The following PTPRA variants were observed in gnomAD, a reference collection of about 807,000 sequenced individuals.
The protein encoded by PTPRA is protein tyrosine phosphatase receptor type A.
PTPRA carries 25 observed loss-of-function variants against 104.8 expected under a neutral mutation model. The observed-to-expected ratio is 0.24, with a 90% CI of 0.17 to 0.33. The LOEUF (loss-of-function observed/expected upper bound fraction) is 0.33. Ranked by LOEUF, PTPRA falls within the 10% of genes least tolerant of loss-of-function variation. The pLI is 1.00. For synonymous variants in PTPRA, 323 were observed against 368.9 expected, an observed-to-expected ratio of 0.88 and a Z score of 1.43; for missense variants, 765 against 1,015.3, an observed-to-expected ratio of 0.75 and a Z score of 3.35.
intron 1 of PTPRA, among the ~76,000 whole-genome samples, chr20:2,911,689 G>T (rs1431562222): frequency 2.0e-5 from 3 of 152,176 alleles, no homozygotes; most frequent in Admixed American, 2.0e-4. Flanking sequence ...GCAGCTCTGA[G>T]AGGGAATAAA....
rs184237197 is a variant in PTPRA at position 2,967,345 on chromosome 20, C to T, written c.415+2143C>T. Among the ~76,000 whole-genome samples, 478 of 152,226 alleles carry T rather than the reference C, an allele frequency of 3.1e-3. 12 individuals carry two copies. Among genetic ancestry groups the T allele is most frequent in the South Asian group, 0.029 (140 of 4,822 alleles). On this transcript the variant is annotated intron_variant, in intron 5 of 23. Coordinates refer to ENST00000399903, the MANE Select transcript of PTPRA (RefSeq NM_001385305.1). Reference sequence around the variant, plus strand: ...TGAGTAAAACACAAGAAACCATTATCGCACATGGGAATTTCATAGTCTTAA... The same window carrying T: ...TGAGTAAAACACAAGAAACCATTATTGCACATGGGAATTTCATAGTCTTAA...
chr20:3,019,804 G>C (rs1417292843), intron 13 of PTPRA, among the ~76,000 whole-genome samples: 1 of 152,178 alleles, frequency 6.6e-6, no homozygotes, highest in African/African-American at 2.4e-5. Flanking sequence ...GAGTGAACGA[G>C]ACTCCGTCTG....
In PTPRA at chr20:3,037,929, A is replaced by C. The variant is rs1462630028; in HGVS notation, c.2335-130A>C. 1.3e-6 allele frequency: 1 copy of C among 751,826 alleles called. No homozygotes were observed. The highest frequency in any genetic ancestry group is 2.4e-5 in the Admixed American group (1 of 41,200). The allele number at this position is 751,826 out of a possible 1,614,324, so 46.6% of individuals were successfully genotyped here. Reference sequence around the variant, plus strand: ...AACTCTGGCAGGCAGATCAGAGCTCAGGTGAAAGTTCAAAAACATTCAGTT... The same window carrying C: ...AACTCTGGCAGGCAGATCAGAGCTCCGGTGAAAGTTCAAAAACATTCAGTT... On this transcript the variant is annotated intron_variant, in intron 23 of 23. Coordinates refer to ENST00000399903, the MANE Select transcript of PTPRA (RefSeq NM_001385305.1). This position sits in a 1 kb window ranked among gnomAD's most constrained non-coding sequence, Gnocchi z 4.3.
At chr20:2,993,307 A>G (rs1447729335) in intron 9 of PTPRA, among the ~76,000 whole-genome samples, 1 of 152,068 alleles carries the variant, frequency 6.6e-6, no homozygotes, top group Non-Finnish European at 1.5e-5. Context: ...CAGGCCTTTG[A>G]CTTTCAGAAA....
intron 2 of PTPRA, among the ~76,000 whole-genome samples, chr20:2,943,538 A>G (rs2061008805): frequency 6.6e-6 from 1 of 152,124 alleles, no homozygotes; most frequent in African/African-American, 2.4e-5. Context: ...ATCTCATCCA[A>G]AAAAACCCCT....
chr20:3,027,455 G>A (rs1319853796), intron 19 of PTPRA, among the ~76,000 whole-genome samples: 1 of 152,186 alleles, frequency 6.6e-6, no homozygotes, highest in Non-Finnish European at 1.5e-5. Context: ...ACAGCCAAGA[G>A]GAACCTGGCT....
intron 10 of PTPRA, among the ~76,000 whole-genome samples, chr20:3,006,451 T>C (rs567694712): frequency 6.6e-6 from 1 of 152,290 alleles, no homozygotes; most frequent in East Asian, 1.9e-4. Flanking sequence ...AGAATTGGGA[T>C]TACGTGCATG....
chr20:2,956,727 TCCC>T (rs1356725289), intron 3 of PTPRA, among the ~76,000 whole-genome samples: 7 of 152,280 alleles, frequency 4.6e-5, no homozygotes, highest in African/African-American at 1.7e-4. Flanking sequence ...CATGTCTCTC[TCCC>T]CCATTGATAG....
chr20:2,986,032 C>T (rs1456102718), intron 6 of PTPRA, among the ~76,000 whole-genome samples: 1 of 152,172 alleles, frequency 6.6e-6, no homozygotes, highest in Non-Finnish European at 1.5e-5. Context: ...CCTCAGCCTC[C>T]TGAGTAGCTG....
intron 5 of PTPRA, among the ~76,000 whole-genome samples, chr20:2,967,221 C>T (rs2061977977): frequency 6.6e-6 from 1 of 152,152 alleles, no homozygotes; most frequent in African/African-American, 2.4e-5. Flanking sequence ...GACTTAGGTC[C>T]AAATTGTGCC....
intron 6 of PTPRA, among the ~76,000 whole-genome samples, chr20:2,976,485 A>G (rs746565036): frequency 2.0e-4 from 30 of 152,174 alleles, no homozygotes; most frequent in African/African-American, 3.4e-4. Flanking sequence ...AGTAGTTTCC[A>G]TGTTGTGATT....
chr20:2,967,299 T>TCTA (rs1000016395), intron 5 of PTPRA, among the ~76,000 whole-genome samples: 2 of 152,198 alleles, frequency 1.3e-5, no homozygotes, highest in African/African-American at 2.4e-5. Flanking sequence ...ACTATGTTTC[T>TCTA]CTAGTGGCGT....
chr20:2,936,753 G>A (rs1259649666), intron 2 of PTPRA, among the ~76,000 whole-genome samples: 10 of 152,036 alleles, frequency 6.6e-5, no homozygotes, highest in Non-Finnish European at 1.5e-4. Flanking sequence ...GATTACAAGC[G>A]TAAACCATTA....
At chr20:2,985,185 C>T (rs556995972) in intron 6 of PTPRA, among the ~76,000 whole-genome samples, 1 of 152,290 alleles carries the variant, frequency 6.6e-6, no homozygotes, top group East Asian at 1.9e-4. Context: ...TTGGATTTGG[C>T]AATATGCCAT....
chr20:3,004,966 C>T lies in PTPRA; in HGVS notation c.739-90C>T, dbSNP rs866033202. The stretch of plus-strand genomic sequence containing the variant: ...TTTTTCCCCCCAGGAAAAGGTAGAA[C>T]ATGCTACCAGGTCAGGGTTTGGTGC... On this transcript the variant is annotated intron_variant, in intron 9 of 23. Transcript: ENST00000399903. 8.9e-5 allele frequency: 104 copies of T among 1,165,414 alleles called. 2 individuals carry two copies. The South Asian group carries it at 1.3e-3, about 15-fold the overall frequency. The allele number at this position is 1,165,414 out of a possible 1,614,324, so 72.2% of individuals were successfully genotyped here.
intron 5 of PTPRA, among the ~76,000 whole-genome samples, chr20:2,969,229 T>A: frequency 7.0e-6 from 1 of 142,076 alleles, no homozygotes. Flanking sequence ...AAAAAATCAG[T>A]GACAAGTAAA....
At chr20:2,897,686 C>CCAAT (rs2059064403) in intron 1 of PTPRA, among the ~76,000 whole-genome samples, 1 of 152,054 alleles carries the variant, frequency 6.6e-6, no homozygotes, top group African/African-American at 2.4e-5. Flanking sequence ...CCGTGCCCAG[C>CCAAT]CAATCACTTG....
intron 2 of PTPRA, among the ~76,000 whole-genome samples, chr20:2,927,367 T>A (rs548749711): frequency 7.2e-5 from 11 of 152,368 alleles, no homozygotes; most frequent in African/African-American, 2.6e-4. Context: ...AAACTATCAG[T>A]TGCTTCCAAT....
chr20:3,018,720 G>A lies in PTPRA; in HGVS notation c.1041+807G>A, dbSNP rs1362213218. ...AAAACCGCCATTGTCATCATGGCCC[G>A]TTCTCAATGAGCTGCTGGGCACACC... On this transcript the variant is annotated intron_variant, in intron 13 of 23. Coordinates refer to ENST00000399903, the MANE Select transcript of PTPRA (RefSeq NM_001385305.1). Among the ~76,000 whole-genome samples, 13 of 150,784 alleles carry A rather than the reference G, an allele frequency of 8.6e-5. No homozygotes were observed. The South Asian group carries it at 1.1e-3, about 12-fold the overall frequency.
Sources: gnomAD v4.1 joint callset for allele counts (sites outside exome capture counted in the v4.1 genomes callset) on GRCh38, gnomAD v4.1.1 for gene constraint, Gnocchi (gnomAD v3.1) non-coding constraint, MANE v1.5 for transcripts, NCBI Gene and HGNC (gene_info 2026-07-23, HGNC 2026-07-21) for gene names.